CCSER1: variants seen among roughly 807,000 people sequenced by gnomAD.
CCSER1 encodes serine-rich coiled-coil domain-containing protein 1.
Under a neutral mutation model 82.0 loss-of-function variants are expected in CCSER1, and 41 were observed. That is an observed-to-expected ratio of 0.50 (90% CI 0.39 to 0.65). CCSER1 has a LOEUF of 0.65. Ranked by LOEUF, CCSER1 falls within the 30% of genes least tolerant of loss-of-function variation. CCSER1 has a pLI of 0.00. For synonymous variants in CCSER1, 414 were observed against 383.9 expected (o/e 1.08, Z -0.92); for missense variants, 1,119 against 1,064.2 (o/e 1.05, Z -0.72).
At chr4:91,438,558 C>T (rs1016098580) in intron 10 of CCSER1, among the ~76,000 whole-genome samples, 37 of 152,154 alleles carry the variant, frequency 2.4e-4, no homozygotes, top group Non-Finnish European at 3.8e-4. Context: ...AAACTGGATA[C>T]TCTAAAAAGC....
intron 10 of CCSER1, among the ~76,000 whole-genome samples, chr4:91,334,162 A>AT (rs1344361613): frequency 1.3e-5 from 2 of 152,124 alleles, no homozygotes; most frequent in Admixed American, 1.3e-4. Context: ...TGAGATCCTA[A>AT]TTATGTGATA....
intron 10 of CCSER1, chr4:91,319,538 T>C (rs150689859): frequency 3.8e-5 from 15 of 397,576 alleles, no homozygotes; most frequent in Non-Finnish European, 4.4e-5. Flanking sequence ...ATGGCTAAAA[T>C]ATATGAAAAA....
At position 90,178,051 on chromosome 4, in the gene CCSER1, G is replaced by A. The variant is rs562884689; in HGVS notation, c.-42+50220G>A. ...AAATCCAAAACATTTCTGGTCTCAAGCATTTTGGATAAGGGATACACAACC... is the reference window on the plus strand; with the variant it reads ...AAATCCAAAACATTTCTGGTCTCAAACATTTTGGATAAGGGATACACAACC... On this transcript the variant is annotated intron_variant, in intron 1 of 10. Transcript: ENST00000509176. Among the ~76,000 whole-genome samples, 31 of 152,168 alleles carry A rather than the reference G, an allele frequency of 2.0e-4. No individual in the cohort carries two copies. The South Asian group carries it at 4.1e-3, about 20-fold the overall frequency.
At chr4:90,639,215 G>T (rs1459611418) in intron 6 of CCSER1, among the ~76,000 whole-genome samples, 1 of 150,964 alleles carries the variant, frequency 6.6e-6, no homozygotes, top group Non-Finnish European at 1.5e-5. Flanking sequence ...ATATATATCA[G>T]TAAATGCTTC....
At chr4:90,446,498 ATTC>A (rs999939490) in intron 4 of CCSER1, among the ~76,000 whole-genome samples, 20 of 152,132 alleles carry the variant, frequency 1.3e-4, no homozygotes, top group Admixed American at 2.0e-4. Context: ...TTTGATACTT[ATTC>A]TTTTTATTTT....
At chr4:91,233,010 A>T (rs1205230201) in intron 10 of CCSER1, among the ~76,000 whole-genome samples, 3 of 151,844 alleles carry the variant, frequency 2.0e-5, no homozygotes, top group Non-Finnish European at 1.5e-5. Flanking sequence ...TGGGGAGTGG[A>T]ACTCTTAGCT....
intron 7 of CCSER1, among the ~76,000 whole-genome samples, chr4:90,805,342 G>A (rs1256463830): frequency 4.5e-5 from 6 of 133,792 alleles, no homozygotes; most frequent in East Asian, 2.4e-4. Context: ...ATTCAACACC[G>A]GTTGATGTTG....
chr4:90,548,662 T>C (rs1051220263), intron 5 of CCSER1, among the ~76,000 whole-genome samples: 15 of 151,774 alleles, frequency 9.9e-5, no homozygotes, highest in Non-Finnish European at 2.2e-4. Context: ...TGTGTCATGC[T>C]AAGCAGAATT....
intron 8 of CCSER1, among the ~76,000 whole-genome samples, chr4:90,866,486 A>G (rs1160683038): frequency 2.0e-5 from 3 of 152,058 alleles, no homozygotes. Context: ...TACAATTTGG[A>G]AACTAATTAT....
chr4:90,360,255 G>A (rs1041662179), intron 3 of CCSER1, among the ~76,000 whole-genome samples: 4 of 148,858 alleles, frequency 2.7e-5, no homozygotes, highest in African/African-American at 9.8e-5. Flanking sequence ...ACGGCCAGAC[G>A]TGGTGGCTCA....
At chr4:91,058,234 T>G (rs965963608) in intron 9 of CCSER1, among the ~76,000 whole-genome samples, 1 of 152,034 alleles carries the variant, frequency 6.6e-6, no homozygotes, top group African/African-American at 2.4e-5. Context: ...TTCTCATCAT[T>G]TGGCTCCCTA....
chr4:90,986,191 T>C (rs1736565261), intron 9 of CCSER1, among the ~76,000 whole-genome samples: 1 of 151,786 alleles, frequency 6.6e-6, no homozygotes, highest in Middle Eastern at 3.4e-3. Context: ...CAAGGAGAAA[T>C]TTTGAATTAA....
intron 9 of CCSER1, among the ~76,000 whole-genome samples, chr4:90,972,912 G>A (rs758418603): frequency 4.6e-5 from 7 of 151,746 alleles, no homozygotes; most frequent in Non-Finnish European, 8.8e-5. Flanking sequence ...ATGGGGGGAC[G>A]AAGGAATAGT....
intron 1 of CCSER1, among the ~76,000 whole-genome samples, chr4:90,219,352 C>G (rs1741700739): frequency 6.6e-6 from 1 of 152,074 alleles, no homozygotes; most frequent in African/African-American, 2.4e-5. Flanking sequence ...ATGATTAATT[C>G]TCTTATCAGG....
intron 8 of CCSER1, among the ~76,000 whole-genome samples, chr4:90,879,603 AGAAGAG>A (rs1441078255): frequency 4.1e-5 from 3 of 73,088 alleles, no homozygotes; most frequent in South Asian, 3.9e-4. Context: ...AGGAGGAGGA[AGAAGAG>A]GAGGAGGAGG....
chr4:91,175,205 C>T (rs562698942), intron 10 of CCSER1, among the ~76,000 whole-genome samples: 178 of 152,262 alleles, frequency 1.2e-3, no homozygotes, highest in Non-Finnish European at 2.2e-3. Context: ...ACCATATTTT[C>T]TTAATCCAGT....
chr4:91,000,802 T>A (rs1224582819), intron 9 of CCSER1, among the ~76,000 whole-genome samples: 4 of 152,170 alleles, frequency 2.6e-5, no homozygotes. Flanking sequence ...GCTGAAGTTG[T>A]TTATCAGTTC....
chr4:90,713,074 G>A (rs962174476), intron 6 of CCSER1, among the ~76,000 whole-genome samples: 2 of 151,654 alleles, frequency 1.3e-5, no homozygotes, highest in East Asian at 1.9e-4. Context: ...GAAGCACACC[G>A]ATGGGTCTTT....
chr4:91,565,026 TTGTGTGTGTGTGTG>T (rs56723869), intron 10 of CCSER1, among the ~76,000 whole-genome samples: 20,280 of 130,986 alleles, frequency 0.15, 1,590 homozygotes, highest in East Asian at 0.27. Context: ...GCACCTTGAG[TTGTGTGTGTGTGTG>T]TGTGTGTGTG....
Sources: gnomAD v4.1 joint callset for allele counts (sites outside exome capture counted in the v4.1 genomes callset) on GRCh38, gnomAD v4.1.1 for gene constraint, MANE v1.5 for transcripts, NCBI Gene and HGNC (gene_info 2026-07-23, HGNC 2026-07-21) for gene names.